Variants in CKAP2L observed in about 807,000 individuals in gnomAD.
CKAP2L encodes cytoskeleton-associated protein 2-like.
Under a neutral mutation model 65.7 loss-of-function variants are expected in CKAP2L, and 42 were observed. That is an observed-to-expected ratio of 0.64 (90% CI 0.50 to 0.83). CKAP2L has a LOEUF of 0.83. Among genes scored for constraint, CKAP2L ranks in the 40% least tolerant of loss-of-function variants. The pLI is 0.00. For missense variants in CKAP2L, 908 were observed against 871.0 expected, an observed-to-expected ratio of 1.04 and a Z score of -0.53; for synonymous variants, 325 against 313.5, an observed-to-expected ratio of 1.04 and a Z score of -0.39.
intron 3 of CKAP2L, 61 bp from the exon 4 acceptor site, chr2:112,757,275 TA>T: frequency 8.4e-7 from 1 of 1,197,532 alleles, no homozygotes; most frequent in South Asian, 1.6e-5. Flanking sequence ...GTTTTTAAAA[TA>T]ATAACTGTGT....
chr2:112,749,113 T>C (rs1030070573), intron 5 of CKAP2L, among the ~76,000 whole-genome samples: 2 of 152,212 alleles, frequency 1.3e-5, no homozygotes, highest in African/African-American at 4.8e-5. Flanking sequence ...AATTTGCTTT[T>C]TAAAAGCAGA....
rs1679242326 is a variant in CKAP2L at position 112,736,793 on chromosome 2, T to C, written c.*2030A>G. On this transcript the variant is annotated 3_prime_UTR_variant, in exon 9 of 9. Transcript: ENST00000302450. Reference sequence around the variant, plus strand: ...CTCCCTCTTTTCCAAGGATGAATACTATTCCACGGCATGCATATGCCGTAT... The same window carrying C: ...CTCCCTCTTTTCCAAGGATGAATACCATTCCACGGCATGCATATGCCGTAT... 1 of 152,370 alleles carries C rather than the reference T, an allele frequency of 6.6e-6. No individual in the cohort carries two copies. The highest frequency in any genetic ancestry group is 2.1e-4 in the South Asian group (1 of 4,828). The allele number at this position is 152,370 out of a possible 1,614,324, so 9.4% of individuals were successfully genotyped here.
intron 5 of CKAP2L, among the ~76,000 whole-genome samples, chr2:112,751,656 T>C (rs1275373596): frequency 6.6e-6 from 1 of 152,192 alleles, no homozygotes; most frequent in African/African-American, 2.4e-5. Flanking sequence ...TTTTTGCTGA[T>C]GTTCAACATT....
In CKAP2L at chr2:112,737,659, T is replaced by C. The variant is rs1437378431; in HGVS notation, c.*1164A>G. 2 of 152,210 alleles carry C rather than the reference T, an allele frequency of 1.3e-5. No homozygotes were observed. The highest frequency in any genetic ancestry group is 1.3e-4 in the Admixed American group (2 of 15,282). 9.4% of individuals were successfully genotyped at this position (152,210 alleles called of 1,614,324 possible). On this transcript the variant is annotated 3_prime_UTR_variant, in exon 9 of 9. Coordinates refer to ENST00000302450, the MANE Select transcript of CKAP2L (RefSeq NM_152515.5). ...TAGCTCAGTTTTTTGAGCTTTATTA[T>C]AAATCTGACTTTCAGAAATAGATCT...
intron 7 of CKAP2L, chr2:112,742,284 A>G: frequency 1.5e-6 from 1 of 683,682 alleles, no homozygotes; most frequent in Admixed American, 2.1e-5. Flanking sequence ...ACTGACAGTG[A>G]TGGTCATCCA....
intron 5 of CKAP2L, among the ~76,000 whole-genome samples, chr2:112,747,127 G>C (rs2104869358): frequency 6.7e-6 from 1 of 150,204 alleles, no homozygotes; most frequent in East Asian, 2.0e-4. Flanking sequence ...GTCTTACTCT[G>C]TTGCCCAGGC....
In CKAP2L at chr2:112,738,025, G is replaced by A. The variant is rs1679461104; in HGVS notation, c.*798C>T. ...AATAGTTGCCCAGGAGGAAGAAAAAGCAACCTACAACAGTCTCTGGGGCTT... is the reference window on the plus strand; with the variant it reads ...AATAGTTGCCCAGGAGGAAGAAAAAACAACCTACAACAGTCTCTGGGGCTT... On this transcript the variant is annotated 3_prime_UTR_variant, in exon 9 of 9. Transcript: ENST00000302450. 6.6e-6 allele frequency: 1 copy of A among 152,130 alleles called. No individual in the cohort carries two copies. The highest frequency in any genetic ancestry group is 6.5e-5 in the Admixed American group (1 of 15,280). The allele number at this position is 152,130 out of a possible 1,614,324, so 9.4% of individuals were successfully genotyped here.
At chr2:112,754,750 C>T (rs1680480656) in intron 4 of CKAP2L, among the ~76,000 whole-genome samples, 1 of 152,162 alleles carries the variant, frequency 6.6e-6, no homozygotes, top group Admixed American at 6.5e-5. Context: ...AGTCTTATGA[C>T]CAATCCTCTG....
rs55681502 is a variant in CKAP2L, at chr2:112,752,423, A to G, written c.1446T>C (p.Pro482=). 6.2e-3 allele frequency: 9,955 copies of G among 1,612,080 alleles called. 535 individuals are homozygous for G. The African/African-American group carries it at 0.12, about 19-fold the overall frequency. Residue 482 remains proline (P), a synonymous_variant, in exon 5 of 9, where the codon CCT becomes CCC. Transcript: ENST00000302450. ...TTCTTTTTGTTTTAAGTTCCATAGG[A>G]GGCCGTTTATAGGTTTTTCCCTTAG... is the stretch of plus-strand genomic sequence containing the variant. ...QKSKGKTYKR[P]PMELKTKRKV...
At chr2:112,759,656 C>G (rs1047556131) in intron 3 of CKAP2L, among the ~76,000 whole-genome samples, 3 of 152,142 alleles carry the variant, frequency 2.0e-5, no homozygotes, top group African/African-American at 4.8e-5. Context: ...AAGTGTAACC[C>G]AGTGCTTCCC....
intron 7 of CKAP2L, among the ~76,000 whole-genome samples, chr2:112,741,234 G>T (rs1179449902): frequency 1.3e-5 from 2 of 152,056 alleles, no homozygotes; most frequent in African/African-American, 4.8e-5. Context: ...CAGCCCCCGA[G>T]ACTGCTGTAC....
intron 3 of CKAP2L, 83 bp from the exon 4 acceptor site, chr2:112,757,297 CT>C: frequency 1.1e-6 from 1 of 917,490 alleles, no homozygotes; most frequent in Non-Finnish European, 1.5e-6. Flanking sequence ...TTAACACATG[CT>C]AAAAAAAATA....
rs1029969186 is a variant in CKAP2L, at chr2:112,742,628, T to C, written c.1822+78A>G. On this transcript the variant is annotated intron_variant, in intron 7 of 8. Coordinates refer to ENST00000302450, the MANE Select transcript of CKAP2L (RefSeq NM_152515.5). The stretch of plus-strand genomic sequence containing the variant: ...AGCATTTCAGGGGATGATTCTTTTC[T>C]TCTTTTTCCTATATGTCCTGGATGA... 5.0e-6 allele frequency: 5 copies of C among 999,116 alleles called. No homozygotes were observed. The African/African-American group carries it at 6.5e-5, about 13-fold the overall frequency. The allele number at this position is 999,116 out of a possible 1,614,324, so 61.9% of individuals were successfully genotyped here.
intron 4 of CKAP2L, among the ~76,000 whole-genome samples, chr2:112,753,005 T>A (rs1680422570): frequency 6.6e-6 from 1 of 152,206 alleles, no homozygotes; most frequent in Non-Finnish European, 1.5e-5. Context: ...AAGTAGCTGA[T>A]CTCTGATAGT....
rs778614679 is a variant in CKAP2L, at chr2:112,756,535, G to C, written c.836C>G (p.Pro279Arg). The C allele has an allele frequency of 1.9e-6, 3 of 1,608,886 alleles. No homozygotes were observed. The East Asian group carries it at 6.7e-5, about 36-fold the overall frequency. ...RPGVKPSRTVPSHFIRTLSKV... is the reference protein window; with the variant it reads ...RPGVKPSRTVRSHFIRTLSKV... ...ACTAAGGGTCCGAATAAAGTGAGAGGGAACCGTCCTTGAGGGTTTTACTCC... is the reference window on the plus strand; with the variant it reads ...ACTAAGGGTCCGAATAAAGTGAGAGCGAACCGTCCTTGAGGGTTTTACTCC... The change falls in exon 4 of 9, where the codon CCC becomes CGC. Residue 279 changes from proline (P) to arginine (R), a missense_variant. Physicochemically the swap from Pro to Arg is moderately radical, Grantham distance 103. Transcript: ENST00000302450.
chr2:112,758,594 T>C (rs1475486441), intron 3 of CKAP2L, among the ~76,000 whole-genome samples: 13 of 152,188 alleles, frequency 8.5e-5, no homozygotes, highest in Admixed American at 8.5e-4. Flanking sequence ...AATGGCTATA[T>C]CTGGATTAAT....
At chr2:112,739,438 C>T (rs771938829) in intron 8 of CKAP2L, among the ~76,000 whole-genome samples, 4 of 152,094 alleles carry the variant, frequency 2.6e-5, no homozygotes, top group Non-Finnish European at 5.9e-5. Flanking sequence ...AAGGCTTTTC[C>T]CTGATTTCCA....
chr2:112,754,526 C>T lies in CKAP2L; in HGVS notation c.1394+1451G>A, dbSNP rs73955281. On this transcript the variant is annotated intron_variant, in intron 4 of 8. Coordinates refer to ENST00000302450, the MANE Select transcript of CKAP2L (RefSeq NM_152515.5). ...TTCTAAAGGCAACTTACTCCTAGGA[C>T]CTCGATGCCATAATTTTGTTTCTCT... Among the ~76,000 whole-genome samples the T allele has an allele frequency of 4.1e-3, 630 of 152,300 alleles. 1 individual carries two copies. The highest frequency in any genetic ancestry group is 0.015 in the African/African-American group (603 of 41,536).
At chr2:112,757,554 A>G (rs1680585249) in intron 3 of CKAP2L, among the ~76,000 whole-genome samples, 1 of 151,918 alleles carries the variant, frequency 6.6e-6, no homozygotes, top group African/African-American at 2.4e-5. Context: ...ACACCTGGCT[A>G]CTTTTTTGTA....
Sources: allele counts gnomAD v4.1 joint callset (sites outside exome capture counted in the v4.1 genomes callset), GRCh38; gene constraint gnomAD v4.1.1; transcripts MANE v1.5; gene names NCBI Gene and HGNC (gene_info 2026-07-23, HGNC 2026-07-21).